The following GTF2IRD1 variants were observed in gnomAD, a reference collection of about 807,000 sequenced individuals.
GTF2IRD1 encodes general transcription factor II-I repeat domain-containing protein 1.
A neutral mutation model predicts 113.2 loss-of-function variants in GTF2IRD1; 26 were observed. The observed-to-expected ratio is 0.23, with a 90% confidence interval of 0.17 to 0.32. The LOEUF (loss-of-function observed/expected upper bound fraction) is 0.32, where lower values mean the gene tolerates loss of function less well. Among genes scored for constraint, GTF2IRD1 ranks in the 10% least tolerant of loss-of-function variants. GTF2IRD1 has a pLI of 1.00. For missense variants in GTF2IRD1, 864 were observed against 1,280.8 expected, an observed-to-expected ratio of 0.67 and a Z score of 4.97; for synonymous variants, 484 against 529.1, an observed-to-expected ratio of 0.91 and a Z score of 1.17.
intron 1 of GTF2IRD1, among the ~76,000 whole-genome samples, chr7:74,468,277 A>C (rs782276063): frequency 3.3e-5 from 5 of 152,016 alleles, no homozygotes; most frequent in Admixed American, 6.6e-5. Flanking sequence ...CGAGATGGGC[A>C]GATTGCTTGA....
At chr7:74,504,753 GCTGGAATGCAGTGGCGCCATCTCGGCTCA>G (rs1188636817) in intron 1 of GTF2IRD1, among the ~76,000 whole-genome samples, 1 of 147,090 alleles carries the variant, frequency 6.8e-6, no homozygotes, top group African/African-American at 2.5e-5. Flanking sequence ...TGTTGCCCAG[GCTGGAATGCAGTGGCGCCATCTCGGCTCA>G]CTGCAACCTC....
chr7:74,458,021 C>T (rs1201837592), intron 1 of GTF2IRD1, among the ~76,000 whole-genome samples: 1 of 151,892 alleles, frequency 6.6e-6, no homozygotes, highest in Non-Finnish European at 1.5e-5. Flanking sequence ...CAGGCATGCT[C>T]TACCACGCCC....
At position 74,558,195 on chromosome 7, in the gene GTF2IRD1, C is replaced by T. The variant is rs1235537963; in HGVS notation, c.2107+473C>T. Among the ~76,000 whole-genome samples the T allele has an allele frequency of 2.0e-5, 3 of 149,900 alleles. No homozygotes were observed. In the Admixed American group the frequency reaches 2.0e-4, roughly 10 times the overall value. ...TCAGGAAGCTGAAGCAGGAGAATCG[C>T]TTGAGCCTGCGAGGGGGAGGTTGCA... On this transcript the variant is annotated intron_variant, in intron 20 of 26. Transcript: ENST00000424337.
rs562278589 is a variant in GTF2IRD1, at chr7:74,485,384, G to A, written c.-6-22691G>A. ...TGTAATCCCAGCACTTTGAGAGGCC[G>A]AGGCGGGCGGATCACGAGGTCAGGA... On this transcript the variant is annotated intron_variant, in intron 1 of 26. Transcript: ENST00000424337. Among the ~76,000 whole-genome samples, 51 of 152,292 alleles carry A rather than the reference G, an allele frequency of 3.3e-4. 1 individual carries two copies. The South Asian group carries it at 9.3e-3, about 28-fold the overall frequency.
At chr7:74,462,762 T>C (rs1279006249) in intron 1 of GTF2IRD1, among the ~76,000 whole-genome samples, 7 of 152,182 alleles carry the variant, frequency 4.6e-5, no homozygotes, top group Non-Finnish European at 1.0e-4. Context: ...GAGCTGCTCA[T>C]CTCCGCCCTC....
intron 1 of GTF2IRD1, among the ~76,000 whole-genome samples, chr7:74,501,668 T>C (rs1265256587): frequency 6.6e-6 from 1 of 152,136 alleles, no homozygotes; most frequent in Non-Finnish European, 1.5e-5. Context: ...TTTTCTTTTT[T>C]CGAAAAGGAG....
chr7:74,485,393 G>A lies in GTF2IRD1; in HGVS notation c.-6-22682G>A, dbSNP rs551152615. ...AGCACTTTGAGAGGCCGAGGCGGGCGGATCACGAGGTCAGGAGATCGAGAC... is the reference window on the plus strand; with the variant it reads ...AGCACTTTGAGAGGCCGAGGCGGGCAGATCACGAGGTCAGGAGATCGAGAC... On this transcript the variant is annotated intron_variant, in intron 1 of 26. Transcript: ENST00000424337. Among the ~76,000 whole-genome samples, 9 of 152,228 alleles carry A rather than the reference G, an allele frequency of 5.9e-5. No homozygotes were observed. The South Asian group carries it at 1.9e-3, about 32-fold the overall frequency.
intron 22 of GTF2IRD1, among the ~76,000 whole-genome samples, chr7:74,568,259 C>T (rs1428456658): frequency 7.0e-6 from 1 of 142,428 alleles, no homozygotes; most frequent in East Asian, 2.2e-4. Flanking sequence ...TAATCCAGCA[C>T]TTTGGGAGGC....
intron 22 of GTF2IRD1, chr7:74,572,671 C>T (rs1192766127): frequency 6.2e-6 from 2 of 321,464 alleles, no homozygotes; most frequent in Non-Finnish European, 9.0e-6. Context: ...CCTCTCTCAG[C>T]CTTCCCCACC....
intron 17 of GTF2IRD1, among the ~76,000 whole-genome samples, 153 bp downstream of exon 17, chr7:74,547,439 CTTTTTTTTTTTTT>C (rs782144976): frequency 1.8e-5 from 2 of 111,208 alleles, no homozygotes; most frequent in Non-Finnish European, 1.8e-5. Context: ...CATGCCCAGC[CTTTTTTTTTTTTT>C]TTTTTTTTGA....
intron 20 of GTF2IRD1, among the ~76,000 whole-genome samples, chr7:74,558,406 CTGGAGT>C (rs1554357945): frequency 9.0e-6 from 1 of 110,708 alleles, no homozygotes; most frequent in Non-Finnish European, 1.7e-5. Context: ...GTCACCCATG[CTGGAGT>C]ACAGTGGCGT....
Position 74,545,741 on chromosome 7 carries a change from C to T in GTF2IRD1, c.1667-3C>T. 6.2e-7 allele frequency: 1 copy of T among 1,611,946 alleles called. No homozygotes were observed. The highest frequency in any genetic ancestry group is 8.5e-7 in the Non-Finnish European group (1 of 1,179,340). ...CCTCAACAGACTGCCTTTTGCCTTC[C>T]AGACAGCCACGGTGACGTGATCCGG... On this transcript the variant is annotated splice_region_variant and splice_polypyrimidine_tract_variant and intron_variant, in intron 15 of 26. Transcript: ENST00000424337.
intron 1 of GTF2IRD1, among the ~76,000 whole-genome samples, chr7:74,479,895 G>A (rs187185890): frequency 1.4e-3 from 212 of 151,676 alleles, no homozygotes; most frequent in African/African-American, 4.4e-3. Context: ...TTATAGGCGC[G>A]TCCACCATGC....
chr7:74,567,198 C>G (rs1323545805), intron 22 of GTF2IRD1, among the ~76,000 whole-genome samples: 1 of 151,994 alleles, frequency 6.6e-6, no homozygotes, highest in Non-Finnish European at 1.5e-5. Flanking sequence ...CATGGTGGCG[C>G]ATGCCTGTAA....
At chr7:74,494,620 C>CTTAT (rs1177826026) in intron 1 of GTF2IRD1, among the ~76,000 whole-genome samples, 1 of 152,044 alleles carries the variant, frequency 6.6e-6, no homozygotes, top group Non-Finnish European at 1.5e-5. Flanking sequence ...GTATTAAGAA[C>CTTAT]TTATTTATTT....
At chr7:74,541,172 G>A (rs113213960) in intron 14 of GTF2IRD1, among the ~76,000 whole-genome samples, 3 of 151,790 alleles carry the variant, frequency 2.0e-5, no homozygotes, top group South Asian at 2.1e-4. Context: ...ACACATCCTC[G>A]TGCGGAGAGA....
chr7:74,567,855 G>A (rs1353320906), intron 22 of GTF2IRD1, among the ~76,000 whole-genome samples: 4 of 151,970 alleles, frequency 2.6e-5, no homozygotes, highest in Non-Finnish European at 5.9e-5. Flanking sequence ...GCGTGATCTC[G>A]GCTCACTGCA....
intron 14 of GTF2IRD1, among the ~76,000 whole-genome samples, chr7:74,541,596 A>G (rs1554351725): frequency 1.3e-5 from 2 of 151,982 alleles, no homozygotes. Flanking sequence ...ACTGAGTAAG[A>G]CCCTATCTTA....
Position 74,590,981 on chromosome 7 carries a change from G to A in GTF2IRD1, c.2555G>A (p.Arg852Gln), listed in dbSNP as rs781960714. 6.2e-6 allele frequency: 10 copies of A among 1,612,976 alleles called. No homozygotes were observed. The highest frequency in any genetic ancestry group is 1.8e-4 in the Middle Eastern group (1 of 5,416). Residue 852 changes from arginine to glutamine, a missense_variant, in exon 24 of 27, where the codon CGA (arginine) becomes CAA (glutamine). Coordinates refer to ENST00000424337, the MANE Select transcript of GTF2IRD1 (RefSeq NM_005685.4). ...CGGCTGGAGAAGATCCTGAAGGCCC[G>A]AGAGCATGTCCGCATGGTCATCATT... ...IHRLEKILKA[R>Q]EHVRMVIINQ...
Sources: gnomAD v4.1 joint callset for allele counts (sites outside exome capture counted in the v4.1 genomes callset) on GRCh38, gnomAD v4.1.1 for gene constraint, MANE v1.5 for transcripts, NCBI Gene and HGNC (gene_info 2026-07-23, HGNC 2026-07-21) for gene names.